CUX2: variants seen among roughly 807,000 people sequenced by gnomAD.
CUX2 encodes the protein homeobox protein cut-like 2.
In CUX2, 40 loss-of-function variants were observed where a neutral mutation model predicts 144.8. The ratio of observed to expected loss-of-function variants is 0.28; its 90% confidence interval spans 0.21 to 0.36. The LOEUF is 0.36. Ranked by LOEUF, CUX2 falls within the 10% of genes least tolerant of loss-of-function variation. The probability of loss-of-function intolerance (pLI) is 1.00; values close to 1 mark genes in which losing one functional copy is unlikely to be tolerated. For synonymous variants in CUX2, 827 were observed against 875.6 expected (o/e 0.94, Z 0.98); for missense variants, 1,615 against 1,994.0 (o/e 0.81, Z 3.62).
chr12:111,065,917 A>G (rs1003518852), intron 1 of CUX2, among the ~76,000 whole-genome samples: 5 of 152,236 alleles, frequency 3.3e-5, no homozygotes, highest in Admixed American at 1.3e-4. Context: ...CTCAAGTCTG[A>G]GAATTCCAAA....
intron 17 of CUX2, among the ~76,000 whole-genome samples, chr12:111,321,200 G>A (rs1887510694): frequency 6.6e-6 from 1 of 152,096 alleles, no homozygotes; most frequent in Admixed American, 6.6e-5. Flanking sequence ...TGGGCACGGT[G>A]GCTCACACCT....
In CUX2 at chr12:111,082,508, C is replaced by A. The variant is rs925619921; in HGVS notation, c.63+48268C>A. 5.3e-5 allele frequency among the ~76,000 whole-genome samples: 8 copies of A among 152,026 alleles called. No individual in the cohort carries two copies. The East Asian group carries it at 7.7e-4, about 15-fold the overall frequency. On this transcript the variant is annotated intron_variant, in intron 1 of 21. Coordinates refer to ENST00000261726, the MANE Select transcript of CUX2 (RefSeq NM_015267.4). ...AGTGTCCGAAAATGTCTGAGAAAAT[C>A]AAAAAACAGCAGGGACCCAGGTCGG...
At chr12:111,149,882 G>GA (rs1566255280) in intron 1 of CUX2, among the ~76,000 whole-genome samples, 1 of 152,154 alleles carries the variant, frequency 6.6e-6, no homozygotes, top group African/African-American at 2.4e-5. Context: ...TTTTCATTTG[G>GA]AAATTGGTTT....
At position 111,061,161 on chromosome 12, in the gene CUX2, G is replaced by C. The variant is rs1427995010; in HGVS notation, c.63+26921G>C. Among the ~76,000 whole-genome samples, 1 of 144,980 alleles carries C rather than the reference G, an allele frequency of 6.9e-6. No homozygotes were observed. Among genetic ancestry groups the C allele is most frequent in the Non-Finnish European group, 1.5e-5 (1 of 66,864 alleles). ...TCTCTGCAGGCCCAAGCTGTCCCCA[G>C]ATGTGTGCATGCATATGCACACACA... is the stretch of plus-strand genomic sequence containing the variant. On this transcript the variant is annotated intron_variant, in intron 1 of 21. Transcript: ENST00000261726. The surrounding 1 kb of genome is among the most constrained non-coding windows in gnomAD (Gnocchi z 4.2).
rs1444235116 is a variant in CUX2 at position 111,066,601 on chromosome 12, G to C, written c.63+32361G>C. Among the ~76,000 whole-genome samples the C allele has an allele frequency of 2.6e-5, 4 of 152,236 alleles. No individual in the cohort carries two copies. In the South Asian group the frequency reaches 8.3e-4, roughly 32 times the overall value. ...TAAGCACCCATTGGGTGAGGGGTGAGGGGAGTTCACTTTATACAAGTGACA... is the reference window on the plus strand; with the variant it reads ...TAAGCACCCATTGGGTGAGGGGTGACGGGAGTTCACTTTATACAAGTGACA... On this transcript the variant is annotated intron_variant, in intron 1 of 21. Transcript: ENST00000261726.
intron 1 of CUX2, among the ~76,000 whole-genome samples, chr12:111,145,658 A>G (rs943100582): frequency 4.0e-5 from 6 of 151,850 alleles, no homozygotes; most frequent in Admixed American, 6.6e-5. Flanking sequence ...TAGAGCCACC[A>G]TGCTCGGCTA....
At chr12:111,075,319 A>AT (rs1871472003) in intron 1 of CUX2, among the ~76,000 whole-genome samples, 1 of 152,126 alleles carries the variant, frequency 6.6e-6, no homozygotes, top group Non-Finnish European at 1.5e-5. Context: ...TTGGAGGATG[A>AT]TTTTGCTTTG....
chr12:111,037,366 CG>C lies in CUX2; in HGVS notation c.63+3128del, dbSNP rs1869512823. On this transcript the variant is annotated intron_variant, in intron 1 of 21. Coordinates refer to ENST00000261726, the MANE Select transcript of CUX2 (RefSeq NM_015267.4). The surrounding 1 kb of genome is among the most constrained non-coding windows in gnomAD (Gnocchi z 5.4). ...CAAGAAAGGTGACCTTGTACCAGCC[CG>C]GTGTCCAGCCCTCCGGAAACGTATA... 6.6e-6 allele frequency among the ~76,000 whole-genome samples: 1 copy of C among 152,216 alleles called. No homozygotes were observed. Among genetic ancestry groups the C allele is most frequent in the African/African-American group, 2.4e-5 (1 of 41,466 alleles).
At chr12:111,302,320 C>T (rs1886331883) in intron 9 of CUX2, among the ~76,000 whole-genome samples, 1 of 152,038 alleles carries the variant, frequency 6.6e-6, no homozygotes, top group Non-Finnish European at 1.5e-5. Context: ...CAAAGTTAAC[C>T]AATTATTGAT....
chr12:111,069,531 T>TGTGTGTGTGTGTGTGTGTGTGCGCGCGC (rs1566199143), intron 1 of CUX2, among the ~76,000 whole-genome samples: 38 of 144,070 alleles, frequency 2.6e-4, no homozygotes, highest in South Asian at 1.4e-3. Flanking sequence ...TGTGTGTGTG[T>TGTGTGTGTGTGTGTGTGTGTGCGCGCGC]GTGTGTGTGT....
intron 1 of CUX2, among the ~76,000 whole-genome samples, chr12:111,093,862 G>A (rs1408133282): frequency 1.3e-5 from 2 of 152,240 alleles, no homozygotes; most frequent in African/African-American, 2.4e-5. Flanking sequence ...CATTGATGTT[G>A]TGTGAAATGG....
intron 3 of CUX2, among the ~76,000 whole-genome samples, chr12:111,230,392 C>T (rs1447003969): frequency 6.6e-6 from 1 of 152,160 alleles, no homozygotes; most frequent in Non-Finnish European, 1.5e-5. Context: ...CAGCAGCATC[C>T]ACATCACCTG....
intron 1 of CUX2, among the ~76,000 whole-genome samples, chr12:111,155,818 T>C (rs1877335174): frequency 6.6e-6 from 1 of 152,192 alleles, no homozygotes; most frequent in African/African-American, 2.4e-5. Flanking sequence ...TGAATTAGTA[T>C]TCATTTTCTC....
chr12:111,099,416 G>A (rs1453906964), intron 1 of CUX2: 1 of 389,048 alleles, frequency 2.6e-6, no homozygotes, highest in Non-Finnish European at 5.1e-6. Context: ...CCGTTATGTG[G>A]TTTCTCTTCT....
intron 1 of CUX2, among the ~76,000 whole-genome samples, chr12:111,123,414 T>A (rs1372591682): frequency 6.6e-6 from 1 of 152,032 alleles, no homozygotes; most frequent in African/African-American, 2.4e-5. Flanking sequence ...AAACTCCTGG[T>A]CTCAAGCAAT....
chr12:111,129,194 C>G (rs899376460), intron 1 of CUX2, among the ~76,000 whole-genome samples: 2 of 152,220 alleles, frequency 1.3e-5, no homozygotes, highest in Non-Finnish European at 2.9e-5. Flanking sequence ...ATGCAAATGT[C>G]TTACCAATAA....
At chr12:111,167,851 C>T (rs892979308) in intron 1 of CUX2, among the ~76,000 whole-genome samples, 12 of 152,062 alleles carry the variant, frequency 7.9e-5, no homozygotes, top group Non-Finnish European at 1.0e-4. Flanking sequence ...CACGCCACCA[C>T]GCCCAGCTAA....
At chr12:111,179,781 G>T (rs1879062227) in intron 1 of CUX2, among the ~76,000 whole-genome samples, 2 of 151,914 alleles carry the variant, frequency 1.3e-5, no homozygotes, top group Admixed American at 1.3e-4. Context: ...GGTTCAAGTG[G>T]TTCTCCTGCC....
At chr12:111,094,866 T>G (rs77001457) in intron 1 of CUX2, among the ~76,000 whole-genome samples, 2,808 of 152,326 alleles carry the variant, frequency 0.018, 87 homozygotes, top group African/African-American at 0.063. Flanking sequence ...TTGCTCATTG[T>G]GCCGGAAGTT....
Sources: allele counts gnomAD v4.1 joint callset (sites outside exome capture counted in the v4.1 genomes callset), GRCh38; gene constraint gnomAD v4.1.1; non-coding constraint Gnocchi (gnomAD v3.1); transcripts MANE v1.5; gene names NCBI Gene and HGNC (gene_info 2026-07-23, HGNC 2026-07-21).